PHF3: variants seen among roughly 807,000 people sequenced by gnomAD.
PHF3 encodes PHD finger protein 3.
Under a neutral mutation model 178.4 loss-of-function variants are expected in PHF3, and 41 were observed. The ratio of observed to expected loss-of-function variants is 0.23; its 90% CI spans 0.18 to 0.30. PHF3 has a LOEUF of 0.30. Among genes scored for constraint, PHF3 ranks in the 10% least tolerant of loss-of-function variants. The probability of loss-of-function intolerance (pLI) is 1.00; values close to 1 mark genes in which losing one functional copy is unlikely to be tolerated. For missense variants in PHF3, 2,346 were observed against 2,398.1 expected (o/e 0.98, Z 0.45); for synonymous variants, 842 against 800.5 (o/e 1.05, Z -0.88).
Position 63,698,370 on chromosome 6 carries a change from A to G in PHF3, c.2825+3A>G, listed in dbSNP as rs1308867938. 6.2e-7 allele frequency: 1 copy of G among 1,601,608 alleles called. No individual in the cohort carries two copies. The highest frequency in any genetic ancestry group is 1.3e-5 in the African/African-American group (1 of 74,690). On this transcript the variant is annotated splice_donor_region_variant and intron_variant, in intron 7 of 15. Transcript: ENST00000262043. ...CTCAAAGACATTCTTATGAAGAGGTAACATATATTTTTATTATAGAAGTAT... is the reference window on the plus strand; with the variant it reads ...CTCAAAGACATTCTTATGAAGAGGTGACATATATTTTTATTATAGAAGTAT...
intron 4 of PHF3, among the ~76,000 whole-genome samples, chr6:63,687,093 C>T (rs1766743831): frequency 6.6e-6 from 1 of 152,174 alleles, no homozygotes; most frequent in Non-Finnish European, 1.5e-5. Context: ...CTGTCACTTA[C>T]ATGCTCTTAA....
chr6:63,698,926 AAC>A (rs1239021812), intron 8 of PHF3, among the ~76,000 whole-genome samples: 1 of 152,148 alleles, frequency 6.6e-6, no homozygotes, highest in African/African-American at 2.4e-5. Context: ...TAAAATTTAT[AAC>A]ACTATTTTTT....
chr6:63,681,483 TGC>T, intron 3 of PHF3, among the ~76,000 whole-genome samples: 1 of 152,088 alleles, frequency 6.6e-6, no homozygotes, highest in East Asian at 1.9e-4. Context: ...TTCTTTATTT[TGC>T]CTACTTCCTA....
rs1457963500 is a variant in PHF3 at position 63,698,451 on chromosome 6, T to G, written c.2828T>G (p.Leu943Arg). ...HSLKDILMKR[L>R]TDSNLKVPEE... ...AATTGAATTGTTCTAATTTTAAGAC[T>G]TACAGACTCAAATTTGAAGGTACCA... Residue 943 changes from leucine (L) to arginine (R), a missense_variant and splice_region_variant, in exon 8 of 16, where the codon CTT becomes CGT. Physicochemically the swap from Leu to Arg is moderately radical, Grantham distance 102. Around this residue, in one of 8 missense-constraint regions of PHF3, gnomAD observed 252 missense variants for 232.0 expected, o/e 1.09. Transcript: ENST00000262043. 2 of 1,593,100 alleles carry G rather than the reference T, an allele frequency of 1.3e-6. No individual in the cohort carries two copies.
In PHF3 at chr6:63,716,381, T is replaced by G. The variant is rs1466690460; in HGVS notation, c.*2673T>G. On this transcript the variant is annotated 3_prime_UTR_variant, in exon 16 of 16. Transcript: ENST00000262043. ...CCTCTTTCTTTGCGTTCCACTGAAC[T>G]GTCTGAAACCCTTCACTGAGCAACC... Among the ~76,000 whole-genome samples, 1 of 152,184 alleles carries G rather than the reference T, an allele frequency of 6.6e-6. No homozygotes were observed. The highest frequency in any genetic ancestry group is 1.5e-5 in the Non-Finnish European group (1 of 68,016).
rs1768433146 is a variant in PHF3, at chr6:63,722,374, T to A, written c.*8666T>A. Among the ~76,000 whole-genome samples the A allele has an allele frequency of 6.6e-6, 1 of 152,204 alleles. No individual in the cohort carries two copies. Among genetic ancestry groups the A allele is most frequent in the African/African-American group, 2.4e-5 (1 of 41,462 alleles). On this transcript the variant is annotated 3_prime_UTR_variant, in exon 16 of 16. Coordinates refer to ENST00000262043, the MANE Select transcript of PHF3 (RefSeq NM_001370348.2). Reference sequence around the variant, plus strand: ...TGTCACTTCCTCAGAGAAGTTTTCCTTGATTTCCCAGAGCTGGTCAGGAAT... The same window carrying A: ...TGTCACTTCCTCAGAGAAGTTTTCCATGATTTCCCAGAGCTGGTCAGGAAT...
At chr6:63,638,022 T>C (rs1764420788) in intron 1 of PHF3, among the ~76,000 whole-genome samples, 1 of 152,212 alleles carries the variant, frequency 6.6e-6, no homozygotes, top group Admixed American at 6.5e-5. Flanking sequence ...ATGTTGATCT[T>C]ATGGTATACT....
rs930244112 is a variant in PHF3, at chr6:63,712,566, C to G, written c.4978C>G (p.Gln1660Glu). 2 of 1,613,834 alleles carry G rather than the reference C, an allele frequency of 1.2e-6. No individual in the cohort carries two copies. Among genetic ancestry groups the G allele is most frequent in the Non-Finnish European group, 1.7e-6 (2 of 1,179,892 alleles). Residue 1660 changes from glutamine to glutamate, a missense_variant, in exon 16 of 16, where the codon CAG becomes GAG. Gln to Glu is a conservative substitution (Grantham distance 29). Transcript: ENST00000262043. ...TCCTAGGCAAGCAGCAGGACGAAGT[C>G]AGCCTGTAACTACTTCAGAAAGCAA... Reference protein sequence around the residue: ...RDPRQAAGRSQPVTTSESKDG... With the variant: ...RDPRQAAGRSEPVTTSESKDG...
At chr6:63,669,504 C>G (rs1040008833) in intron 2 of PHF3, among the ~76,000 whole-genome samples, 1 of 152,154 alleles carries the variant, frequency 6.6e-6, no homozygotes, top group African/African-American at 2.4e-5. Flanking sequence ...AATATTCGAT[C>G]CATTCGTCTA....
At position 63,705,988 on chromosome 6, in the gene PHF3, G is replaced by T. The variant is rs768223433; in HGVS notation, c.3368-41G>T. 6.8e-6 allele frequency: 10 copies of T among 1,470,246 alleles called. 1 individual carries two copies. Among genetic ancestry groups the T allele is most frequent in the Non-Finnish European group, 9.2e-6 (10 of 1,084,480 alleles). 91.1% of individuals were successfully genotyped at this position (1,470,246 alleles called of 1,614,324 possible). ...GAAAATGGGTTAAGTTATAAAAGTT[G>T]TAGTTAACAGTTGGTTTCTTTTGAT... On this transcript the variant is annotated intron_variant, in intron 11 of 15. Transcript: ENST00000262043.
intron 2 of PHF3, among the ~76,000 whole-genome samples, chr6:63,658,094 A>G (rs1765312724): frequency 6.6e-6 from 1 of 151,906 alleles, no homozygotes; most frequent in African/African-American, 2.4e-5. Flanking sequence ...GGAAGAGATG[A>G]GGTTGACCTC....
At chr6:63,685,994 T>A in intron 4 of PHF3, 83 bp downstream of exon 4, 2 of 902,500 alleles carry the variant, frequency 2.2e-6, no homozygotes, top group Admixed American at 4.7e-5. Flanking sequence ...GAGAATTGTT[T>A]TAAAGACATT....
At position 63,721,902 on chromosome 6, in the gene PHF3, A is replaced by AC; in HGVS notation, c.*8194_*8195insC. 9.9e-7 allele frequency: 1 copy of AC among 1,014,312 alleles called. No individual in the cohort carries two copies. The highest frequency in any genetic ancestry group is 1.4e-6 in the Non-Finnish European group (1 of 707,364). The allele number at this position is 1,014,312 out of a possible 1,614,324, so 62.8% of individuals were successfully genotyped here. Reference sequence around the variant, plus strand: ...GGATAAGTTTTAGTTATGGGGAAAAAAGTAACAGATCTTGAGCACAATTGT... The same window carrying AC: ...GGATAAGTTTTAGTTATGGGGAAAAACAGTAACAGATCTTGAGCACAATTGT... On this transcript the variant is annotated 3_prime_UTR_variant, in exon 16 of 16. Transcript: ENST00000262043.
chr6:63,658,452 A>G (rs1475192746), intron 2 of PHF3, among the ~76,000 whole-genome samples: 2 of 152,188 alleles, frequency 1.3e-5, no homozygotes, highest in African/African-American at 4.8e-5. Flanking sequence ...AAAGTCTGCC[A>G]TATTGAACCA....
intron 2 of PHF3, among the ~76,000 whole-genome samples, chr6:63,654,486 G>A (rs1010244300): frequency 3.3e-5 from 5 of 152,230 alleles, no homozygotes; most frequent in East Asian, 1.9e-4. Context: ...TGAGTTTTAC[G>A]TAGAGAGGTT....
At chr6:63,643,380 A>G (rs1053407011) in intron 1 of PHF3, among the ~76,000 whole-genome samples, 10 of 152,086 alleles carry the variant, frequency 6.6e-5, no homozygotes, top group African/African-American at 2.4e-5. Flanking sequence ...CATTTTTGGC[A>G]TTTTCTCTTT....
chr6:63,710,056 G>A (rs897833936), intron 14 of PHF3, among the ~76,000 whole-genome samples: 2 of 152,082 alleles, frequency 1.3e-5, no homozygotes, highest in Non-Finnish European at 2.9e-5. Flanking sequence ...ATGAATAAAT[G>A]TTACTTTTTT....
At chr6:63,647,931 C>T (rs1256688167) in intron 2 of PHF3, among the ~76,000 whole-genome samples, 1 of 152,038 alleles carries the variant, frequency 6.6e-6, no homozygotes, top group African/African-American at 2.4e-5. Flanking sequence ...ACTTTTTCTC[C>T]TGTACAGTTT....
In PHF3 at chr6:63,684,122, G is replaced by C. The variant is rs1465166106; in HGVS notation, c.407-7G>C. 5 of 1,570,644 alleles carry C rather than the reference G, an allele frequency of 3.2e-6. No individual in the cohort carries two copies. The highest frequency in any genetic ancestry group is 4.3e-6 in the Non-Finnish European group (5 of 1,161,148). On this transcript the variant is annotated splice_region_variant and splice_polypyrimidine_tract_variant and intron_variant, in intron 3 of 15. Transcript: ENST00000262043. ...GTATTTTTATTTATTTTTTCCCCCT[G>C]TGATAGAACAAGTAAGAAGTTTGCG...
Sources: gnomAD v4.1 joint callset for allele counts (sites outside exome capture counted in the v4.1 genomes callset) on GRCh38, gnomAD v4.1.1 for gene constraint, gnomAD v4.1.1 regional missense constraint, MANE v1.5 for transcripts, NCBI Gene and HGNC (gene_info 2026-07-23, HGNC 2026-07-21) for gene names.